CCNB1IP1: variants seen among roughly 807,000 people sequenced by gnomAD.
CCNB1IP1 encodes E3 ubiquitin-protein ligase CCNB1IP1.
A neutral mutation model predicts 25.6 loss-of-function variants in CCNB1IP1; 14 were observed. The observed-to-expected ratio is 0.55, with a 90% CI of 0.36 to 0.85. The LOEUF is 0.85. Ranked by LOEUF, CCNB1IP1 falls within the 40% of genes least tolerant of loss-of-function variation. CCNB1IP1 has a pLI of 0.01. For missense variants in CCNB1IP1, 278 were observed against 342.4 expected (o/e 0.81, Z 1.48); for synonymous variants, 119 against 116.1 (o/e 1.02, Z -0.16).
intron 1 of CCNB1IP1, among the ~76,000 whole-genome samples, chr14:20,332,026 ATTTTTT>A (rs57345952): frequency 1.5e-4 from 6 of 40,744 alleles, no homozygotes; most frequent in Admixed American, 4.5e-4. Context: ...ATATATATAT[ATTTTTT>A]TTTTTTTTTT....
Position 20,313,726 on chromosome 14 carries a change from A to G in CCNB1IP1, c.373T>C (p.Tyr125His), listed in dbSNP as rs781347633. 1.7e-5 allele frequency: 28 copies of G among 1,613,650 alleles called. No homozygotes were observed. Among genetic ancestry groups the G allele is most frequent in the Admixed American group, 5.0e-5 (3 of 59,926 alleles). ...TCCTTGCTTTGTATTTGCTGAGTAT[A>G]TATCTTCTCCATCTGTTTCAGATGG... ...EGHLKQMEKIYTQQIQSKDVE... is the reference protein window; with the variant it reads ...EGHLKQMEKIHTQQIQSKDVE... The change falls in exon 6 of 7, where the codon TAT (tyrosine) becomes CAT (histidine). Residue 125 changes from tyrosine to histidine, a missense_variant. By Grantham distance (83) the Tyr-to-His change is moderately conservative (BLOSUM62 2). Coordinates refer to ENST00000358932, the MANE Select transcript of CCNB1IP1 (RefSeq NM_021178.5).
intron 1 of CCNB1IP1, among the ~76,000 whole-genome samples, 164 bp from the exon 2 acceptor site, chr14:20,329,537 G>C (rs1015757815): frequency 6.6e-6 from 1 of 152,206 alleles, no homozygotes; most frequent in Admixed American, 6.5e-5. Context: ...TTTTAAGGCA[G>C]AATAGTATTC....
chr14:20,322,479 A>G (rs374627514), intron 4 of CCNB1IP1, among the ~76,000 whole-genome samples: 3 of 152,228 alleles, frequency 2.0e-5, no homozygotes, highest in Admixed American at 6.5e-5. Context: ...AAATGAAAAT[A>G]TTATTTTATT....
At chr14:20,328,785 ATG>A (rs1412044924) in intron 2 of CCNB1IP1, among the ~76,000 whole-genome samples, 1 of 152,198 alleles carries the variant, frequency 6.6e-6, no homozygotes, top group East Asian at 1.9e-4. Flanking sequence ...ACCTTTCCCA[ATG>A]TGTGATGCTT....
chr14:20,317,102 C>T (rs1477402800), intron 4 of CCNB1IP1, among the ~76,000 whole-genome samples: 3 of 151,360 alleles, frequency 2.0e-5, no homozygotes, highest in African/African-American at 7.3e-5. Context: ...GAGCAAGAAT[C>T]TCTCTCATAA....
intron 5 of CCNB1IP1, 149 bp downstream of exon 5, chr14:20,316,078 A>G: frequency 2.9e-6 from 2 of 689,368 alleles, no homozygotes; most frequent in Non-Finnish European, 4.6e-6. Context: ...TTTCAACAAT[A>G]AACAGTATTG....
At position 20,313,451 on chromosome 14, in the gene CCNB1IP1, T is replaced by C; in HGVS notation, c.631+17A>G. On this transcript the variant is annotated intron_variant, in intron 6 of 6. Coordinates refer to ENST00000358932, the MANE Select transcript of CCNB1IP1 (RefSeq NM_021178.5). Reference sequence around the variant, plus strand: ...ATTGATTTAAAGAACAGACACTTGATACATGTCCTTTCTTACCTAATGGGA... The same window carrying C: ...ATTGATTTAAAGAACAGACACTTGACACATGTCCTTTCTTACCTAATGGGA... 1 of 1,546,292 alleles carries C rather than the reference T, an allele frequency of 6.5e-7. No homozygotes were observed. The highest frequency in any genetic ancestry group is 8.7e-7 in the Non-Finnish European group (1 of 1,143,002).
At chr14:20,313,319 G>A (rs1387230652) in intron 6 of CCNB1IP1, 149 bp downstream of exon 6, 2 of 545,990 alleles carry the variant, frequency 3.7e-6, no homozygotes, top group Non-Finnish European at 6.3e-6. Context: ...ATGATGTACA[G>A]GTTGAAACAT....
At position 20,316,396 on chromosome 14, in the gene CCNB1IP1, C is replaced by G. The variant is rs1407807739; in HGVS notation, c.128G>C (p.Arg43Pro). The G allele has an allele frequency of 3.7e-6, 6 of 1,613,788 alleles. No homozygotes were observed. Among genetic ancestry groups the G allele is most frequent in the East Asian group, 2.2e-5 (1 of 44,890 alleles). Residue 43 changes from arginine to proline, a missense_variant, in exon 5 of 7, where the codon CGC becomes CCC. By Grantham distance (103) the Arg-to-Pro change is moderately radical. Transcript: ENST00000358932. ...GCAGGCAGGACAGATAGCTGGTGAG[C>G]GACTAAACTCACCACTGCCATGCTG... ...CDQHGSGEFSRSPAICPACNS... is the reference protein window; with the variant it reads ...CDQHGSGEFSPSPAICPACNS...
At chr14:20,316,659 C>T in intron 4 of CCNB1IP1, 99 bp from the exon 5 acceptor site, 1 of 620,816 alleles carries the variant, frequency 1.6e-6, no homozygotes, top group Non-Finnish European at 2.8e-6. Context: ...TAAAATACTG[C>T]ACATTTTATT....
rs1159106297 is a variant in CCNB1IP1 at position 20,316,675 on chromosome 14, C to G, written c.-37-115G>C. 5 of 586,536 alleles carry G rather than the reference C, an allele frequency of 8.5e-6. No homozygotes were observed. In the Admixed American group the frequency reaches 1.5e-4, roughly 17 times the overall value. The allele number at this position is 586,536 out of a possible 1,614,324, so 36.3% of individuals were successfully genotyped here. On this transcript the variant is annotated intron_variant, in intron 4 of 6. Transcript: ENST00000358932. Reference sequence around the variant, plus strand: ...AAAATACTGCACATTTTATTATATTCCTTGTATTTATTATAATTGATATAT... The same window carrying G: ...AAAATACTGCACATTTTATTATATTGCTTGTATTTATTATAATTGATATAT...
intron 1 of CCNB1IP1, among the ~76,000 whole-genome samples, chr14:20,332,006 A>ATATATATATATATGATGTG (rs1555314514): frequency 1.6e-5 from 1 of 61,238 alleles, no homozygotes; most frequent in Admixed American, 1.7e-4. Flanking sequence ...ATGTGTATAC[A>ATATATATATATATGATGTG]TATATATATA....
intron 6 of CCNB1IP1, 44 bp downstream of exon 6, chr14:20,313,424 T>G: frequency 2.1e-6 from 3 of 1,446,296 alleles, no homozygotes; most frequent in Non-Finnish European, 1.9e-6. Context: ...GTATAAAAAA[T>G]CATTGATTTA....
chr14:20,313,814 GAA>G lies in CCNB1IP1; in HGVS notation c.298-15_298-14del. The G allele has an allele frequency of 2.6e-6, 4 of 1,525,376 alleles. No homozygotes were observed. Among genetic ancestry groups the G allele is most frequent in the Non-Finnish European group, 3.5e-6 (4 of 1,140,650 alleles). 94.5% of individuals were successfully genotyped at this position (1,525,376 alleles called of 1,614,324 possible). ...GTTCCTGATGTACCTGGTTCCAAAAGAAAAAAGATTTTTAAGGTATTGGGTAC... is the reference window on the plus strand; with the variant it reads ...GTTCCTGATGTACCTGGTTCCAAAAGAAAAGATTTTTAAGGTATTGGGTAC... On this transcript the variant is annotated splice_polypyrimidine_tract_variant and intron_variant, in intron 5 of 6. Coordinates refer to ENST00000358932, the MANE Select transcript of CCNB1IP1 (RefSeq NM_021178.5).
intron 5 of CCNB1IP1, 27 bp downstream of exon 5, chr14:20,316,200 T>C: frequency 6.3e-7 from 1 of 1,588,016 alleles, no homozygotes; most frequent in African/African-American, 1.3e-5. Context: ...AATCACATGC[T>C]CAAGAGAAAC....
chr14:20,315,330 C>G (rs1813299733), intron 5 of CCNB1IP1, among the ~76,000 whole-genome samples: 1 of 152,092 alleles, frequency 6.6e-6, no homozygotes, highest in African/African-American at 2.4e-5. Context: ...TTCATTGCTG[C>G]TGGCAATATA....
intron 3 of CCNB1IP1, among the ~76,000 whole-genome samples, chr14:20,326,292 TG>T (rs1376480558): frequency 6.6e-6 from 1 of 152,232 alleles, no homozygotes; most frequent in African/African-American, 2.4e-5. Flanking sequence ...AGTGATTTTT[TG>T]GGGATATAGA....
At position 20,331,976 on chromosome 14, in the gene CCNB1IP1, C is replaced by G. The variant is rs917906740; in HGVS notation, c.-431+1278G>C. ...GAACCATGTGAATGTATTACCTATT[C>G]AAAAATATATATATATATGATGTGT... On this transcript the variant is annotated intron_variant, in intron 1 of 6. Transcript: ENST00000358932. 1.8e-3 allele frequency among the ~76,000 whole-genome samples: 179 copies of G among 97,396 alleles called. 1 individual carries two copies. Among genetic ancestry groups the G allele is most frequent in the African/African-American group, 7.0e-3 (171 of 24,550 alleles). The allele number at this position is 97,396 out of a possible 152,430, so 63.9% of individuals were successfully genotyped here.
At chr14:20,324,566 T>C (rs1248609586) in intron 4 of CCNB1IP1, among the ~76,000 whole-genome samples, 2 of 152,330 alleles carry the variant, frequency 1.3e-5, no homozygotes, top group East Asian at 1.9e-4. Flanking sequence ...AATATACGCA[T>C]GGATTCTGAT....
Sources: gnomAD v4.1 joint callset for allele counts (sites outside exome capture counted in the v4.1 genomes callset) on GRCh38, gnomAD v4.1.1 for gene constraint, MANE v1.5 for transcripts, NCBI Gene and HGNC (gene_info 2026-07-23, HGNC 2026-07-21) for gene names.